Variants in HPS1 observed in about 807,000 individuals in gnomAD.
HPS1 encodes BLOC-3 complex member HPS1.
Under a neutral mutation model 90.6 loss-of-function variants are expected in HPS1, and 59 were observed. The ratio of observed to expected loss-of-function variants is 0.65; its 90% CI spans 0.53 to 0.81. The LOEUF (loss-of-function observed/expected upper bound fraction) is 0.81. Among genes scored for constraint, HPS1 ranks in the 30% least tolerant of loss-of-function variants. The pLI, the probability that HPS1 is intolerant of heterozygous loss-of-function variation, is 0.00. For synonymous variants in HPS1, 388 were observed against 384.4 expected (o/e 1.01, Z -0.11); for missense variants, 849 against 896.7 (o/e 0.95, Z 0.68).
intron 6 of HPS1, among the ~76,000 whole-genome samples, chr10:98,433,348 C>A (rs1211607750): frequency 6.6e-6 from 1 of 152,112 alleles, no homozygotes; most frequent in Non-Finnish European, 1.5e-5. Flanking sequence ...ACAGAGGATT[C>A]TGACACACAC....
At chr10:98,420,283 C>T (rs1490575162) in intron 17 of HPS1, 125 bp from the exon 18 acceptor site, 2 of 738,902 alleles carry the variant, frequency 2.7e-6, no homozygotes, top group Non-Finnish European at 4.9e-6. Flanking sequence ...TCTCCTAGTA[C>T]CCGGGCACTG....
At chr10:98,424,412 A>G (rs780909332) in intron 13 of HPS1, 38 bp from the exon 14 acceptor site, 17 of 1,581,604 alleles carry the variant, frequency 1.1e-5, no homozygotes, top group African/African-American at 9.4e-5. Context: ...CATCCCGACC[A>G]TATTTCCAGT....
chr10:98,426,225 G>T, intron 11 of HPS1: 1 of 536,786 alleles, frequency 1.9e-6, no homozygotes, highest in Non-Finnish European at 3.4e-6. Context: ...AGGGCAGTGG[G>T]CAGGGGCAGA....
chr10:98,437,995 ACTTTT>A, intron 3 of HPS1, among the ~76,000 whole-genome samples: 2 of 152,300 alleles, frequency 1.3e-5, no homozygotes, highest in South Asian at 4.1e-4. Context: ...GCTCTTCCCC[ACTTTT>A]CTTGACACTT....
chr10:98,443,062 C>A, intron 3 of HPS1, 62 bp downstream of exon 3: 1 of 1,175,346 alleles, frequency 8.5e-7, no homozygotes, highest in Non-Finnish European at 1.3e-6. Flanking sequence ...TCTCTGCCTG[C>A]TGGGAGTTTT....
chr10:98,428,521 A>G (rs561361962), intron 10 of HPS1, among the ~76,000 whole-genome samples: 1 of 152,270 alleles, frequency 6.6e-6, no homozygotes, highest in Admixed American at 6.5e-5. Flanking sequence ...TCCCAGGCCC[A>G]CAGACTGTAA....
rs1847204537 is a variant in HPS1, at chr10:98,435,609, C to T, written c.255+26G>A. 1 of 1,613,860 alleles carries T rather than the reference C, an allele frequency of 6.2e-7. No homozygotes were observed. Among genetic ancestry groups the T allele is most frequent in the African/African-American group, 1.3e-5 (1 of 74,900 alleles). ...CCCCATCAAGCTGAGGGAAGAGGAA[C>T]ATGGGCCCCAGAGCTATAGACTCAC... On this transcript the variant is annotated intron_variant, in intron 4 of 19. Transcript: ENST00000361490. The surrounding 1 kb of genome is among the most constrained non-coding windows in gnomAD (Gnocchi z 4.3).
intron 7 of HPS1, 106 bp from the exon 8 acceptor site, chr10:98,430,776 T>A: frequency 1.1e-6 from 1 of 891,506 alleles, no homozygotes; most frequent in South Asian, 1.4e-5. Flanking sequence ...AGGAGCAATG[T>A]ACTTCTGGAG....
At chr10:98,414,785 T>A (rs1045421685), downstream of HPS1, 34 of 555,932 alleles carry the variant, frequency 6.1e-5, no homozygotes, top group African/African-American at 6.3e-4. Flanking sequence ...AAGGCAAGCA[T>A]TTGCCCCAGG....
chr10:98,435,644 G>C lies in HPS1; in HGVS notation c.246C>G (p.Val82=). 1 of 1,614,212 alleles carries C rather than the reference G, an allele frequency of 6.2e-7. No homozygotes were observed. Among genetic ancestry groups the C allele is most frequent in the Non-Finnish European group, 8.5e-7 (1 of 1,180,036 alleles). Residue 82 remains valine, a synonymous_variant, in exon 4 of 20, where the codon GTC becomes GTG. Transcript: ENST00000361490. The surrounding 1 kb of genome is among the most constrained non-coding windows in gnomAD (Gnocchi z 4.3). ...FSTENGNFLY[V]LHLFGECLFI... is the part of the protein sequence containing the mutation. The stretch of plus-strand genomic sequence containing the variant: ...AGAGCTATAGACTCACCAGGTGAAG[G>C]ACATACAGGAAGTTGCCATTTTCCG...
At chr10:98,418,958 G>A (rs11189599) in intron 18 of HPS1, among the ~76,000 whole-genome samples, 6,445 of 152,342 alleles carry the variant, frequency 0.042, 452 homozygotes, top group African/African-American at 0.14. Context: ...CTGAGGGCAC[G>A]GAGGAAAGCT....
intron 11 of HPS1, 111 bp from the exon 12 acceptor site, chr10:98,426,096 C>G (rs1845571782): frequency 8.0e-6 from 8 of 998,810 alleles, no homozygotes; most frequent in Admixed American, 4.2e-5. Context: ...CCAAGAAACT[C>G]CAGTTTTTAA....
chr10:98,426,087 C>T (rs1192226481), intron 11 of HPS1, 102 bp from the exon 12 acceptor site: 1 of 1,044,704 alleles, frequency 9.6e-7, no homozygotes, highest in Admixed American at 2.0e-5. Flanking sequence ...TTTTTAGCTC[C>T]AAGAAACTCC....
chr10:98,427,045 G>T, intron 11 of HPS1, 170 bp downstream of exon 11: 1 of 586,886 alleles, frequency 1.7e-6, no homozygotes. Context: ...CCCTGCCTCT[G>T]GGCTGAGCTC....
intron 11 of HPS1, among the ~76,000 whole-genome samples, chr10:98,426,284 G>A (rs1217343099): frequency 1.3e-5 from 2 of 152,146 alleles, no homozygotes; most frequent in Non-Finnish European, 2.9e-5. Flanking sequence ...AAACACTCGT[G>A]GATGGGGAGT....
At chr10:98,414,827 G>GTGCC, downstream of HPS1, 1 of 866,130 alleles carries the variant, frequency 1.2e-6, no homozygotes, top group Non-Finnish European at 1.7e-6. Flanking sequence ...GGAATCCCAG[G>GTGCC]TGCCTGCCTG....
chr10:98,444,641 C>T (rs1939139559), intron 2 of HPS1, among the ~76,000 whole-genome samples: 1 of 152,224 alleles, frequency 6.6e-6, no homozygotes, highest in South Asian at 2.1e-4. Flanking sequence ...GTCTTGTGTT[C>T]CGTCATCCCC....
intron 6 of HPS1, among the ~76,000 whole-genome samples, chr10:98,432,404 C>G (rs1326856803): frequency 6.6e-6 from 1 of 152,162 alleles, no homozygotes; most frequent in African/African-American, 2.4e-5. Flanking sequence ...TTATTCATCT[C>G]TTTATTCCCA....
rs776546978 is a variant in HPS1 at position 98,423,902 on chromosome 10, G to A, written c.1398-15C>T. ...CCTGGAGCAGCCTGAGCACGAGAGA[G>A]GAGGGCATTACAGCAGAAGGGACCT... On this transcript the variant is annotated splice_polypyrimidine_tract_variant and intron_variant, in intron 14 of 19. Transcript: ENST00000361490. 1 of 1,613,048 alleles carries A rather than the reference G, an allele frequency of 6.2e-7. No homozygotes were observed. The highest frequency in any genetic ancestry group is 8.5e-7 in the Non-Finnish European group (1 of 1,179,976).
Sources: allele counts gnomAD v4.1 joint callset (sites outside exome capture counted in the v4.1 genomes callset), GRCh38; gene constraint gnomAD v4.1.1; non-coding constraint Gnocchi (gnomAD v3.1); transcripts MANE v1.5; gene names NCBI Gene and HGNC (gene_info 2026-07-23, HGNC 2026-07-21).